ANGPTL3: variants seen among roughly 807,000 people sequenced by gnomAD.
The protein encoded by ANGPTL3 is angiopoietin-related protein 3.
ANGPTL3 carries 51 observed loss-of-function variants against 52.7 expected under a neutral mutation model. That is an observed-to-expected ratio of 0.97 (90% CI 0.77 to 1.22). ANGPTL3 has a LOEUF of 1.22. Ranked by LOEUF, ANGPTL3 falls within the 50% of genes most tolerant of loss-of-function variation. ANGPTL3 has a pLI of 0.00. For missense variants in ANGPTL3, 506 were observed against 520.7 expected (o/e 0.97, Z 0.27); for synonymous variants, 185 against 179.8 (o/e 1.03, Z -0.23).
rs1255706629 is a variant in ANGPTL3, at chr1:62,605,834, T to A, written c.*1017T>A. The A allele has an allele frequency of 2.6e-5, 4 of 151,924 alleles. No homozygotes were observed. The highest frequency in any genetic ancestry group is 5.9e-5 in the Non-Finnish European group (4 of 67,876). 9.4% of individuals were successfully genotyped at this position (151,924 alleles called of 1,614,324 possible). On this transcript the variant is annotated 3_prime_UTR_variant, in exon 7 of 7. Transcript: ENST00000371129. ...GCATGTTTATCGACATCACAACAGA[T>A]CCCTAAATCCCTAAATCCCTAAAGA...
At position 62,597,944 on chromosome 1, in the gene ANGPTL3, C is replaced by T. The variant is rs1649528013; in HGVS notation, c.378C>T (p.Ser126=). 3.2e-6 allele frequency: 5 copies of T among 1,549,920 alleles called. No homozygotes were observed. Among genetic ancestry groups the T allele is most frequent in the Non-Finnish European group, 4.3e-6 (5 of 1,156,276 alleles). The change falls in exon 1 of 7, where the codon AGC becomes AGT. Residue 126 remains serine, a synonymous_variant. Coordinates refer to ENST00000371129, the MANE Select transcript of ANGPTL3 (RefSeq NM_014495.4). ...TTGAACTCAACTCAAAACTTGAAAG[C>T]CTCCTAGAAGAAAAAATTCTACTTC... The part of the protein sequence containing the change: ...MSLELNSKLE[S]LLEEKILLQQ...
chr1:62,602,224 G>A lies in ANGPTL3; in HGVS notation c.836-61G>A, dbSNP rs886715749. 6 of 1,323,192 alleles carry A rather than the reference G, an allele frequency of 4.5e-6. No homozygotes were observed. In the African/African-American group the frequency reaches 7.3e-5, roughly 16 times the overall value. 82.0% of individuals were successfully genotyped at this position (1,323,192 alleles called of 1,614,324 possible). Reference sequence around the variant, plus strand: ...ATTAAAATCAAACAAACAAAAAAGTGTTATTTACATCTGTCAACATAAATC... The same window carrying A: ...ATTAAAATCAAACAAACAAAAAAGTATTATTTACATCTGTCAACATAAATC... On this transcript the variant is annotated intron_variant, in intron 4 of 6. Coordinates refer to ENST00000371129, the MANE Select transcript of ANGPTL3 (RefSeq NM_014495.4).
At chr1:62,604,567 G>A (rs1350720527) in intron 6 of ANGPTL3, 66 bp from the exon 7 acceptor site, 12 of 1,488,820 alleles carry the variant, frequency 8.1e-6, no homozygotes, top group Non-Finnish European at 1.1e-5. Context: ...AAACTTACGG[G>A]GAAATACAGT....
In ANGPTL3 at chr1:62,604,346, GTT is replaced by G. The variant is rs140293692; in HGVS notation, c.1198+114_1198+115del. 2.3e-3 allele frequency: 3,156 copies of G among 1,358,164 alleles called. 67 individuals are homozygous for G. In the African/African-American group the frequency reaches 0.041, roughly 17 times the overall value. 84.1% of individuals were successfully genotyped at this position (1,358,164 alleles called of 1,614,324 possible). On this transcript the variant is annotated intron_variant, in intron 6 of 6. Coordinates refer to ENST00000371129, the MANE Select transcript of ANGPTL3 (RefSeq NM_014495.4). ...TTAAAAATCCGAATCCCAAATAAGCGTTTTCTCTCTAGACGAAAACCTCTTAA... is the reference window on the plus strand; with the variant it reads ...TTAAAAATCCGAATCCCAAATAAGCGTTCTCTCTAGACGAAAACCTCTTAA...
In ANGPTL3 at chr1:62,603,960, T is replaced by C. The variant is rs1308069792; in HGVS notation, c.932-9T>C. ...ATAACTCACAGATTTTTAAAACTTT[T>C]CTTTTCAGGAGAATTTTGGTTGGGC... On this transcript the variant is annotated splice_polypyrimidine_tract_variant and intron_variant, in intron 5 of 6. Transcript: ENST00000371129. 6.2e-7 allele frequency: 1 copy of C among 1,612,148 alleles called. No homozygotes were observed. The highest frequency in any genetic ancestry group is 8.5e-7 in the Non-Finnish European group (1 of 1,178,774).
At position 62,602,270 on chromosome 1, in the gene ANGPTL3, A is replaced by T. The variant is rs1328509807; in HGVS notation, c.836-15A>T. 6.3e-7 allele frequency: 1 copy of T among 1,578,782 alleles called. No individual in the cohort carries two copies. Among genetic ancestry groups the T allele is most frequent in the East Asian group, 2.2e-5 (1 of 44,548 alleles). The stretch of plus-strand genomic sequence containing the variant: ...AAATCTACTAAAAATACATGATTTC[A>T]TTCATTATATTCAGGTAGTCCATGG... On this transcript the variant is annotated splice_polypyrimidine_tract_variant and intron_variant, in intron 4 of 6. Transcript: ENST00000371129.
intron 4 of ANGPTL3, among the ~76,000 whole-genome samples, 197 bp downstream of exon 4, chr1:62,602,079 T>C (rs879715812): frequency 1.3e-5 from 2 of 151,692 alleles, no homozygotes; most frequent in African/African-American, 4.8e-5. Context: ...CTGAAGTGAC[T>C]ATTATCAATA....
chr1:62,601,286 A>G lies in ANGPTL3; in HGVS notation c.721+90A>G, dbSNP rs34927999. 4,836 of 927,886 alleles carry G rather than the reference A, an allele frequency of 5.2e-3. 179 individuals are homozygous for G. The South Asian group carries it at 0.059, about 11-fold the overall frequency. The allele number at this position is 927,886 out of a possible 1,614,324, so 57.5% of individuals were successfully genotyped here. A position where few individuals can be genotyped will look rare whatever the true frequency, so the allele number is the denominator to read the frequency against. On this transcript the variant is annotated intron_variant, in intron 3 of 6. Transcript: ENST00000371129. The stretch of plus-strand genomic sequence containing the variant: ...TGTTCTAGACTAAAAGATAGTTAAG[A>G]GATATCCATCAAATACAATGTATCA...
chr1:62,601,876 A>C lies in ANGPTL3; in HGVS notation c.829A>C (p.Ile277Leu). The change falls in exon 4 of 7, where the codon ATA becomes CTA. Residue 277 changes from isoleucine to leucine, a missense_variant. Ile to Leu is a conservative substitution (Grantham distance 5). Transcript: ENST00000371129. ...SQVFHVYCDV[I>L]SGSPWTLIQH... ...AGTTTTTCATGTCTACTGTGATGTT[A>C]TATCAGGTAAAACCTGTCTAAGGAG... is the stretch of plus-strand genomic sequence containing the variant. 1 of 1,601,910 alleles carries C rather than the reference A, an allele frequency of 6.2e-7. No individual in the cohort carries two copies. The highest frequency in any genetic ancestry group is 8.5e-7 in the Non-Finnish European group (1 of 1,170,020).
At chr1:62,600,230 C>T (rs990736918) in intron 2 of ANGPTL3, among the ~76,000 whole-genome samples, 1 of 151,550 alleles carries the variant, frequency 6.6e-6, no homozygotes, top group East Asian at 1.9e-4. Context: ...GAAACCAAAA[C>T]AATGAATTTC....
chr1:62,605,539 A>G lies in ANGPTL3; in HGVS notation c.*722A>G, dbSNP rs1474417706. 1 of 152,448 alleles carries G rather than the reference A, an allele frequency of 6.6e-6. No homozygotes were observed. The highest frequency in any genetic ancestry group is 1.5e-5 in the Non-Finnish European group (1 of 67,896). The allele number at this position is 152,448 out of a possible 1,614,324, so 9.4% of individuals were successfully genotyped here. A position where few individuals can be genotyped will look rare whatever the true frequency, so the allele number is the denominator to read the frequency against. On this transcript the variant is annotated 3_prime_UTR_variant, in exon 7 of 7. Coordinates refer to ENST00000371129, the MANE Select transcript of ANGPTL3 (RefSeq NM_014495.4). The stretch of plus-strand genomic sequence containing the variant: ...AAAATATATACTGTATACATTTTAT[A>G]TATTTTAACACTTAATACTATGAAA...
At position 62,602,526 on chromosome 1, in the gene ANGPTL3, ATT is replaced by A. The variant is rs906038416; in HGVS notation, c.931+148_931+149del. 5.8e-6 allele frequency: 4 copies of A among 690,564 alleles called. No homozygotes were observed. The African/African-American group carries it at 7.1e-5, about 12-fold the overall frequency. The allele number at this position is 690,564 out of a possible 1,614,324, so 42.8% of individuals were successfully genotyped here. A position where few individuals can be genotyped will look rare whatever the true frequency, so the allele number is the denominator to read the frequency against. ...ATAATTTATTATCAAACAATTACAC[ATT>A]TGTTAGTAAATTACACTTATTACAA... On this transcript the variant is annotated intron_variant, in intron 5 of 6. Transcript: ENST00000371129.
intron 2 of ANGPTL3, 150 bp from the exon 3 acceptor site, chr1:62,600,932 A>C (rs1292570949): frequency 1.2e-5 from 7 of 608,588 alleles, no homozygotes; most frequent in East Asian, 2.8e-5. Flanking sequence ...TAATCTGTAC[A>C]ATCTGAATAA....
In ANGPTL3 at chr1:62,604,533, G is replaced by GT. The variant is rs1367899596; in HGVS notation, c.1199-99dup. 5 of 1,263,200 alleles carry GT rather than the reference G, an allele frequency of 4.0e-6. No homozygotes were observed. In the East Asian group the frequency reaches 1.2e-4, roughly 30 times the overall value. 78.2% of individuals were successfully genotyped at this position (1,263,200 alleles called of 1,614,324 possible). On this transcript the variant is annotated intron_variant, in intron 6 of 6. Coordinates refer to ENST00000371129, the MANE Select transcript of ANGPTL3 (RefSeq NM_014495.4). ...CTGGGATACATGCATCTAAAACACT[G>GT]TAATATTTATAAGAAAGGAAGATAA...
In ANGPTL3 at chr1:62,597,996, CAACT is replaced by C. The variant is rs398122987; in HGVS notation, c.439_442del (p.Asn147Ter). On this transcript the variant is annotated frameshift_variant, in exon 1 of 7. Coordinates refer to ENST00000371129, the MANE Select transcript of ANGPTL3 (RefSeq NM_014495.4). LOFTEE classifies it high-confidence loss of function. ...ACAAAAAGTGAAATATTTAGAAGAG[CAACT>C]AACTAACTTAATTCAAAATCAACCT... The C allele has an allele frequency of 2.0e-4, 310 of 1,567,704 alleles. 1 individual carries two copies. Among genetic ancestry groups the C allele is most frequent in the Middle Eastern group, 1.4e-3 (8 of 5,810 alleles).
Position 62,602,398 on chromosome 1 carries a change from A to T in ANGPTL3, c.931+18A>T, listed in dbSNP as rs767751458. On this transcript the variant is annotated intron_variant, in intron 5 of 6. Transcript: ENST00000371129. ...GCTTGATGGTAAGGGGACTACATTC[A>T]ATCATTCATTCACTTGCTAATCTAC... is the stretch of plus-strand genomic sequence containing the variant. The T allele has an allele frequency of 2.5e-6, 4 of 1,596,390 alleles. No individual in the cohort carries two copies. Among genetic ancestry groups the T allele is most frequent in the Middle Eastern group, 3.3e-4 (2 of 6,002 alleles).
intron 3 of ANGPTL3, 89 bp downstream of exon 3, chr1:62,601,285 G>C: frequency 1.1e-6 from 1 of 934,032 alleles, no homozygotes; most frequent in South Asian, 1.4e-5. Flanking sequence ...AGATAGTTAA[G>C]AGATATCCAT....
chr1:62,597,967 T>C lies in ANGPTL3; in HGVS notation c.401T>C (p.Leu134Pro). ...AGCCTCCTAGAAGAAAAAATTCTACTTCAACAAAAAGTGAAATATTTAGAA... is the reference window on the plus strand; with the variant it reads ...AGCCTCCTAGAAGAAAAAATTCTACCTCAACAAAAAGTGAAATATTTAGAA... ...LESLLEEKIL[L>P]QQKVKYLEEQ... Residue 134 changes from leucine (L) to proline (P), a missense_variant, in exon 1 of 7, where the codon CTT becomes CCT. Coordinates refer to ENST00000371129, the MANE Select transcript of ANGPTL3 (RefSeq NM_014495.4). 1.3e-6 allele frequency: 2 copies of C among 1,557,426 alleles called. No individual in the cohort carries two copies. The highest frequency in any genetic ancestry group is 1.7e-6 in the Non-Finnish European group (2 of 1,160,684).
At chr1:62,603,668 A>T (rs917526105) in intron 5 of ANGPTL3, among the ~76,000 whole-genome samples, 1 of 151,782 alleles carries the variant, frequency 6.6e-6, no homozygotes, top group Non-Finnish European at 1.5e-5. Flanking sequence ...TCTACCAATG[A>T]CGAGACTTTA....
Sources: gnomAD v4.1 joint callset for allele counts (sites outside exome capture counted in the v4.1 genomes callset) on GRCh38, gnomAD v4.1.1 for gene constraint, MANE v1.5 for transcripts, NCBI Gene and HGNC (gene_info 2026-07-23, HGNC 2026-07-21) for gene names.